BCAT1: variants seen among roughly 807,000 people sequenced by gnomAD.
BCAT1 encodes branched-chain-amino-acid aminotransferase, cytosolic.
BCAT1 carries 48 observed loss-of-function variants against 52.4 expected under a neutral mutation model. The observed-to-expected ratio is 0.92, with a 90% CI of 0.73 to 1.16. The LOEUF is 1.16. Ranked by LOEUF, BCAT1 falls within the 50% of genes most tolerant of loss-of-function variation. The pLI, the probability that BCAT1 is intolerant of heterozygous loss-of-function variation, is 0.00. For missense variants in BCAT1, 451 were observed against 457.1 expected (o/e 0.99, Z 0.12); for synonymous variants, 167 against 161.3 (o/e 1.04, Z -0.27).
intron 5 of BCAT1, among the ~76,000 whole-genome samples, chr12:24,861,332 G>A (rs1941844447): frequency 6.6e-6 from 1 of 152,134 alleles, no homozygotes. Context: ...CCTAGTTCAT[G>A]GAAAGGCTTG....
intron 1 of BCAT1, chr12:24,902,347 T>C: frequency 8.4e-7 from 1 of 1,193,908 alleles, no homozygotes; most frequent in Non-Finnish European, 1.0e-6. Context: ...GCGTGAACCA[T>C]TTCCTCCACC....
rs115469587 is a variant in BCAT1 at position 24,832,604 on chromosome 12, C to T, written c.1044+119G>A. On this transcript the variant is annotated intron_variant, in intron 9 of 10. Transcript: ENST00000261192. ...TCTTTAAAATAAAGAAAAACAACAACAACGACAAAACTTTTGCATCTTGGG... is the reference window on the plus strand; with the variant it reads ...TCTTTAAAATAAAGAAAAACAACAATAACGACAAAACTTTTGCATCTTGGG... 2.0e-3 allele frequency: 2,431 copies of T among 1,233,824 alleles called. 38 individuals are homozygous for T. In the African/African-American group the frequency reaches 0.034, roughly 17 times the overall value. 76.4% of individuals were successfully genotyped at this position (1,233,824 alleles called of 1,614,324 possible).
At chr12:24,829,745 G>A (rs1940568409) in intron 10 of BCAT1, 78 bp downstream of exon 10, 2 of 1,165,424 alleles carry the variant, frequency 1.7e-6, no homozygotes, top group East Asian at 2.5e-5. Context: ...TAATTTAGTT[G>A]TAAGCTCTGA....
chr12:24,842,323 A>G, intron 6 of BCAT1, 99 bp from the exon 7 acceptor site: 1 of 1,338,616 alleles, frequency 7.5e-7, no homozygotes, highest in Non-Finnish European at 1.0e-6. Flanking sequence ...TCACATGTGG[A>G]CATAGTGAAG....
intron 2 of BCAT1, among the ~76,000 whole-genome samples, chr12:24,898,467 T>G (rs1297437878): frequency 6.6e-6 from 1 of 150,502 alleles, no homozygotes; most frequent in Non-Finnish European, 1.5e-5. Context: ...GGCAGGGAAG[T>G]GTAAATTTGT....
rs906281952 is a variant in BCAT1 at position 24,927,257 on chromosome 12, G to A, written c.6+21670C>T. 4.0e-5 allele frequency among the ~76,000 whole-genome samples: 6 copies of A among 151,860 alleles called. No individual in the cohort carries two copies. The East Asian group carries it at 5.8e-4, about 15-fold the overall frequency. On this transcript the variant is annotated intron_variant, in intron 1 of 10. Coordinates refer to ENST00000261192, the MANE Select transcript of BCAT1 (RefSeq NM_005504.7). ...CAGGAGATGGAGGCAGCAATGAGACGAGATTGTGCCACTGTACTCCAGCCT... is the reference window on the plus strand; with the variant it reads ...CAGGAGATGGAGGCAGCAATGAGACAAGATTGTGCCACTGTACTCCAGCCT...
At chr12:24,829,731 A>G (rs1443278381) in intron 10 of BCAT1, 92 bp downstream of exon 10, 1 of 1,030,792 alleles carries the variant, frequency 9.7e-7, no homozygotes, top group African/African-American at 1.6e-5. Context: ...TCTTCATTGA[A>G]ATATAATTTA....
At chr12:24,942,316 G>A (rs12827517) in intron 1 of BCAT1, among the ~76,000 whole-genome samples, 24,177 of 151,992 alleles carry the variant, frequency 0.16, 2,464 homozygotes, top group Non-Finnish European at 0.22. Context: ...CAAGGCGGGC[G>A]GATCACTTGA....
chr12:24,898,847 A>T (rs1306311976), intron 2 of BCAT1, among the ~76,000 whole-genome samples: 1 of 152,092 alleles, frequency 6.6e-6, no homozygotes, highest in African/African-American at 2.4e-5. Flanking sequence ...ATCGTATAGC[A>T]CATTTGCTCT....
chr12:24,919,413 T>C (rs150095370), intron 1 of BCAT1, among the ~76,000 whole-genome samples: 1 of 152,322 alleles, frequency 6.6e-6, no homozygotes, highest in East Asian at 1.9e-4. Context: ...GTGTAAGTTC[T>C]AGCTTTATTG....
At chr12:24,887,804 C>T (rs541786062) in intron 3 of BCAT1, among the ~76,000 whole-genome samples, 2 of 152,296 alleles carry the variant, frequency 1.3e-5, no homozygotes, top group South Asian at 4.1e-4. Flanking sequence ...GCGTTCCCTA[C>T]TCGCAGTTTG....
chr12:24,948,860 G>A, intron 1 of BCAT1, 67 bp downstream of exon 1: 1 of 1,543,736 alleles, frequency 6.5e-7, no homozygotes. Context: ...TATGTTTCTT[G>A]GAGAAATCGC....
intron 3 of BCAT1, among the ~76,000 whole-genome samples, chr12:24,882,068 T>G (rs1591835705): frequency 6.6e-6 from 1 of 152,284 alleles, no homozygotes; most frequent in Non-Finnish European, 1.5e-5. Flanking sequence ...TAACACAGCT[T>G]CTCTAAGTAA....
At chr12:24,876,202 C>T (rs373722985) in intron 5 of BCAT1, among the ~76,000 whole-genome samples, 1 of 141,028 alleles carries the variant, frequency 7.1e-6, no homozygotes, top group African/African-American at 2.6e-5. Context: ...GTAGGACCAT[C>T]GTAAGTTGGA....
intron 7 of BCAT1, among the ~76,000 whole-genome samples, chr12:24,840,622 C>T (rs1040194692): frequency 6.6e-6 from 1 of 152,196 alleles, no homozygotes; most frequent in African/African-American, 2.4e-5. Context: ...CTCACCATAT[C>T]TTCTGTTTAT....
At chr12:24,875,381 C>T (rs1336508059) in intron 5 of BCAT1, among the ~76,000 whole-genome samples, 1 of 152,144 alleles carries the variant, frequency 6.6e-6, no homozygotes, top group African/African-American at 2.4e-5. Flanking sequence ...ATAGTTGATA[C>T]AAATATACCA....
chr12:24,878,265 C>T (rs962202491), intron 5 of BCAT1, among the ~76,000 whole-genome samples: 3 of 151,810 alleles, frequency 2.0e-5, no homozygotes, highest in East Asian at 1.9e-4. Context: ...AGTATATAAT[C>T]GAATTATAAT....
At chr12:24,820,603 A>T (rs1940075185) in intron 10 of BCAT1, among the ~76,000 whole-genome samples, 1 of 152,152 alleles carries the variant, frequency 6.6e-6, no homozygotes, top group Admixed American at 6.5e-5. Flanking sequence ...GCTGTAAGTC[A>T]CACTTACTTA....
rs78394923 is a variant in BCAT1 at position 24,876,519 on chromosome 12, A to G, written c.510+2011T>C. 3.3e-5 allele frequency among the ~76,000 whole-genome samples: 5 copies of G among 152,328 alleles called. No individual in the cohort carries two copies. The East Asian group carries it at 9.6e-4, about 29-fold the overall frequency. ...TAATCATGTCAAGAGATTCAAAAAAAGCAATTGACAAAATCCAACATCCAT... is the reference window on the plus strand; with the variant it reads ...TAATCATGTCAAGAGATTCAAAAAAGGCAATTGACAAAATCCAACATCCAT... On this transcript the variant is annotated intron_variant, in intron 5 of 10. Transcript: ENST00000261192.
Sources: allele counts gnomAD v4.1 joint callset (sites outside exome capture counted in the v4.1 genomes callset), GRCh38; gene constraint gnomAD v4.1.1; transcripts MANE v1.5; gene names NCBI Gene and HGNC (gene_info 2026-07-23, HGNC 2026-07-21).